Variants in NFIA observed in about 807,000 individuals in gnomAD.
The protein encoded by NFIA is nuclear factor I A.
A neutral mutation model predicts 62.8 loss-of-function variants in NFIA; 8 were observed. The ratio of observed to expected loss-of-function variants is 0.13; its 90% CI spans 0.07 to 0.23. The LOEUF is 0.23. Ranked by LOEUF, NFIA falls within the 10% of genes least tolerant of loss-of-function variation. NFIA has a pLI of 1.00. For synonymous variants in NFIA, 235 were observed against 238.1 expected, an observed-to-expected ratio of 0.99 and a Z score of 0.12; for missense variants, 410 against 642.1, an observed-to-expected ratio of 0.64 and a Z score of 3.91.
At chr1:61,340,402 TG>T (rs1291576787) in intron 4 of NFIA, among the ~76,000 whole-genome samples, 1 of 152,248 alleles carries the variant, frequency 6.6e-6, no homozygotes, top group Non-Finnish European at 1.5e-5. Flanking sequence ...TCTATAGCTT[TG>T]GGCAATATTT....
rs1553123347 is a variant in NFIA at position 61,452,281 on chromosome 1, TAG to T, written c.1513-3020_1513-3019del. 8.6e-5 allele frequency among the ~76,000 whole-genome samples: 13 copies of T among 150,530 alleles called. No individual in the cohort carries two copies. The East Asian group carries it at 2.5e-3, about 29-fold the overall frequency. Reference sequence around the variant, plus strand: ...TTATTATTATTATTATTATTATTATTAGAACTATCTGCCATCTCTGCAAATAA... The same window carrying T: ...TTATTATTATTATTATTATTATTATTAACTATCTGCCATCTCTGCAAATAA... On this transcript the variant is annotated intron_variant, in intron 10 of 10. Transcript: ENST00000403491.
chr1:61,255,076 A>G (rs944500898), intron 2 of NFIA, among the ~76,000 whole-genome samples: 2 of 152,174 alleles, frequency 1.3e-5, no homozygotes, highest in African/African-American at 2.4e-5. Context: ...TCCCAGGGGA[A>G]GTACAGGATA....
intron 2 of NFIA, among the ~76,000 whole-genome samples, chr1:61,199,792 C>T (rs557033637): frequency 4.0e-5 from 6 of 151,172 alleles, no homozygotes; most frequent in East Asian, 1.9e-4. Context: ...GTCAGGAGTT[C>T]GAGACCAGCC....
chr1:61,254,267 A>G (rs1656236800), intron 2 of NFIA, among the ~76,000 whole-genome samples: 1 of 152,230 alleles, frequency 6.6e-6, no homozygotes, highest in South Asian at 2.1e-4. Flanking sequence ...ACTGTAGACT[A>G]TAATTATGTG....
At chr1:61,189,946 G>A (rs1464327387) in intron 2 of NFIA, among the ~76,000 whole-genome samples, 2 of 152,126 alleles carry the variant, frequency 1.3e-5, no homozygotes, top group East Asian at 3.9e-4. Flanking sequence ...TTAGGATAAG[G>A]AATAATGTCA....
chr1:61,363,053 T>G, intron 6 of NFIA, among the ~76,000 whole-genome samples: 1 of 152,314 alleles, frequency 6.6e-6, no homozygotes, highest in Non-Finnish European at 1.5e-5. Flanking sequence ...GTGTACCAGG[T>G]TTTTAAAAAA....
chr1:61,305,941 G>A (rs1040339895), intron 3 of NFIA, among the ~76,000 whole-genome samples: 12 of 148,866 alleles, frequency 8.1e-5, no homozygotes, highest in East Asian at 2.0e-4. Flanking sequence ...TCCATCTCCC[G>A]AGTTCACACC....
intron 4 of NFIA, among the ~76,000 whole-genome samples, chr1:61,348,260 T>TA (rs1662354606): frequency 6.6e-6 from 1 of 152,238 alleles, no homozygotes; most frequent in South Asian, 2.1e-4. Context: ...GATTCATACC[T>TA]ACAGGCAGTT....
At chr1:61,195,161 A>G (rs1031707656) in intron 2 of NFIA, among the ~76,000 whole-genome samples, 3 of 152,160 alleles carry the variant, frequency 2.0e-5, no homozygotes, top group African/African-American at 7.2e-5. Flanking sequence ...GGCAGCATGA[A>G]CAGTTGCAGG....
intron 7 of NFIA, 124 bp downstream of exon 7, chr1:61,383,489 T>C (rs1664525870): frequency 8.0e-7 from 1 of 1,242,278 alleles, no homozygotes; most frequent in East Asian, 2.6e-5. Context: ...TCCAATTTCT[T>C]ACCCTTGGGG....
intron 2 of NFIA, among the ~76,000 whole-genome samples, chr1:61,124,134 A>G (rs1389232102): frequency 6.6e-6 from 1 of 152,164 alleles, no homozygotes; most frequent in Non-Finnish European, 1.5e-5. Flanking sequence ...GAGGAGAGAG[A>G]GGACTGCTGG....
At chr1:61,274,502 GA>G (rs1657693472) in intron 2 of NFIA, among the ~76,000 whole-genome samples, 1 of 152,156 alleles carries the variant, frequency 6.6e-6, no homozygotes, top group South Asian at 2.1e-4. Context: ...GTAAGCCAGA[GA>G]AACTCACTGG....
intron 2 of NFIA, among the ~76,000 whole-genome samples, chr1:61,276,607 T>C (rs1337555044): frequency 1.3e-5 from 2 of 152,184 alleles, no homozygotes; most frequent in African/African-American, 4.8e-5. Flanking sequence ...AAATCAAAAT[T>C]TTTCCCCTTG....
chr1:61,370,644 G>T (rs1663833667), intron 6 of NFIA, among the ~76,000 whole-genome samples: 1 of 152,028 alleles, frequency 6.6e-6, no homozygotes, highest in Non-Finnish European at 1.5e-5. Flanking sequence ...TGTAACTTTG[G>T]TTCTTGATTC....
intron 3 of NFIA, among the ~76,000 whole-genome samples, chr1:61,306,656 C>T (rs940276853): frequency 6.6e-6 from 1 of 152,064 alleles, no homozygotes; most frequent in African/African-American, 2.4e-5. Context: ...TACCACTTAC[C>T]ATGATTAATA....
intron 4 of NFIA, among the ~76,000 whole-genome samples, chr1:61,337,046 T>A (rs1661649670): frequency 6.6e-6 from 1 of 152,222 alleles, no homozygotes; most frequent in African/African-American, 2.4e-5. Flanking sequence ...ATTTCAGTAT[T>A]TCCTCATGTG....
intron 2 of NFIA, among the ~76,000 whole-genome samples, chr1:61,229,174 A>G (rs1654515787): frequency 6.6e-6 from 1 of 151,994 alleles, no homozygotes; most frequent in Non-Finnish European, 1.5e-5. Context: ...TATTGGAACC[A>G]AATTTCTTAA....
intron 2 of NFIA, among the ~76,000 whole-genome samples, chr1:61,130,205 A>G (rs1006150650): frequency 6.6e-6 from 1 of 152,286 alleles, no homozygotes; most frequent in African/African-American, 2.4e-5. Flanking sequence ...GGAAGAAGAG[A>G]AAAAAACCAG....
chr1:61,099,238 A>G (rs1343252085), intron 2 of NFIA, among the ~76,000 whole-genome samples: 4 of 152,184 alleles, frequency 2.6e-5, no homozygotes, highest in Admixed American at 6.5e-5. Flanking sequence ...GTGCGGTTGA[A>G]TCTTGGAGGT....
Sources: gnomAD v4.1 joint callset for allele counts (sites outside exome capture counted in the v4.1 genomes callset) on GRCh38, gnomAD v4.1.1 for gene constraint, MANE v1.5 for transcripts, NCBI Gene and HGNC (gene_info 2026-07-23, HGNC 2026-07-21) for gene names.